The following RSPH14 variants were observed in gnomAD, a reference collection of about 807,000 sequenced individuals.
RSPH14 encodes rhabdoid tumor deletion region gene 1.
Under a neutral mutation model 26.7 loss-of-function variants are expected in RSPH14, and 20 were observed. The observed-to-expected ratio is 0.75, with a 90% CI of 0.53 to 1.09. The LOEUF is 1.09. RSPH14 is among the 50% of genes least tolerant of loss of function. RSPH14 has a pLI of 0.00. For missense variants in RSPH14, 449 were observed against 457.2 expected (o/e 0.98, Z 0.16); for synonymous variants, 177 against 189.3 (o/e 0.93, Z 0.53).
rs2068051162 is a variant in RSPH14, at chr22:23,059,722, C to T, written c.791-4G>A. The T allele has an allele frequency of 1.1e-5, 16 of 1,515,902 alleles. No individual in the cohort carries two copies. The highest frequency in any genetic ancestry group is 1.4e-5 in the Non-Finnish European group (16 of 1,135,096). 93.9% of individuals were successfully genotyped at this position (1,515,902 alleles called of 1,614,324 possible). A position where few individuals can be genotyped will look rare whatever the true frequency, so the allele number is the denominator to read the frequency against. On this transcript the variant is annotated splice_polypyrimidine_tract_variant and splice_region_variant and intron_variant, in intron 6 of 6. Coordinates refer to ENST00000216036, the MANE Select transcript of RSPH14 (RefSeq NM_014433.3). ...GCCTCCAGGGCCGCATACTTCCCTG[C>T]AGGCCACCAACACAAGGCGTTCCAA...
At chr22:23,076,472 A>AG (rs1460459448) in intron 4 of RSPH14, among the ~76,000 whole-genome samples, 1 of 152,078 alleles carries the variant, frequency 6.6e-6, no homozygotes, top group African/African-American at 2.4e-5. Flanking sequence ...TGCTCCTAAG[A>AG]GGTTGTACCT....
At chr22:23,136,911 T>C (rs1182487642) in intron 3 of RSPH14, among the ~76,000 whole-genome samples, 1 of 138,646 alleles carries the variant, frequency 7.2e-6, no homozygotes, top group African/African-American at 2.6e-5. Context: ...TTAGGATTGT[T>C]GCCCAGATCA....
chr22:23,060,787 C>G (rs981422163), intron 6 of RSPH14, among the ~76,000 whole-genome samples: 1 of 152,178 alleles, frequency 6.6e-6, no homozygotes, highest in Admixed American at 6.5e-5. Context: ...ATCACTGCCT[C>G]CCAGGGCCTG....
At chr22:23,134,177 G>A (rs753025161) in intron 3 of RSPH14, 33 bp from the exon 4 acceptor site, 11 of 1,519,016 alleles carry the variant, frequency 7.2e-6, no homozygotes, top group Non-Finnish European at 8.2e-6. Flanking sequence ...TGACATAAGT[G>A]AGACCATGCC....
At chr22:23,173,622 G>GTTTTTTTTTTTTTTTTTT in the RSPH14 span, among the ~76,000 whole-genome samples, 2 of 112,284 alleles carry the variant, frequency 1.8e-5, no homozygotes, top group African/African-American at 3.5e-5. Flanking sequence ...TTTATTTTTG[G>GTTTTTTTTTTTTTTTTTT]TTTTTTGTTT....
intron 4 of RSPH14, among the ~76,000 whole-genome samples, chr22:23,073,764 A>T (rs1353015028): frequency 6.6e-6 from 1 of 152,190 alleles, no homozygotes; most frequent in Admixed American, 6.5e-5. Context: ...GCTAACATTT[A>T]CCAGCGCCTG....
chr22:23,123,144 A>G (rs1257765665), intron 4 of RSPH14: 2 of 1,613,994 alleles, frequency 1.2e-6, no homozygotes, highest in Admixed American at 1.7e-5. Context: ...CAACTGGTTC[A>G]TCAACACCTC....
chr22:23,141,957 G>T lies in RSPH14; in HGVS notation c.-61C>A, dbSNP rs1225178524. The T allele has an allele frequency of 1.0e-6, 1 of 985,556 alleles. No homozygotes were observed. Among genetic ancestry groups the T allele is most frequent in the Non-Finnish European group, 1.2e-6 (1 of 830,012 alleles). The allele number at this position is 985,556 out of a possible 1,614,324, so 61.1% of individuals were successfully genotyped here. ...CACCACCGCCGCCTCACCTGCCTCC[G>T]CAGCCCTTTCTGCTTCCAGTAGCCC... On this transcript the variant is annotated 5_prime_UTR_variant, in exon 1 of 7. Coordinates refer to ENST00000216036, the MANE Select transcript of RSPH14 (RefSeq NM_014433.3).
intron 6 of RSPH14, among the ~76,000 whole-genome samples, chr22:23,060,369 G>A (rs1331495230): frequency 5.9e-5 from 9 of 152,012 alleles, no homozygotes; most frequent in African/African-American, 2.2e-4. Context: ...TACTCAGGAG[G>A]CTGAGGCAGG....
chr22:23,164,884 C>G, the RSPH14 span, among the ~76,000 whole-genome samples: 21,549 of 151,402 alleles, frequency 0.14, 2,068 homozygotes, highest in Non-Finnish European at 0.2. Context: ...TTTCGAGGCT[C>G]CTCACCACCC....
At chr22:23,062,748 G>C (rs1283140695) in intron 5 of RSPH14, among the ~76,000 whole-genome samples, 2 of 152,248 alleles carry the variant, frequency 1.3e-5, no homozygotes, top group African/African-American at 4.8e-5. Flanking sequence ...CATGATCAAA[G>C]TTGCAGAGTC....
At chr22:23,130,270 A>G (rs2070319368) in intron 4 of RSPH14, among the ~76,000 whole-genome samples, 1 of 151,132 alleles carries the variant, frequency 6.6e-6, no homozygotes, top group Non-Finnish European at 1.5e-5. Flanking sequence ...CCTGGCTAAC[A>G]CGGTGAAACC....
chr22:23,133,945 C>T (rs1260015918), intron 4 of RSPH14, 81 bp downstream of exon 4: 1 of 924,138 alleles, frequency 1.1e-6, no homozygotes, highest in Non-Finnish European at 1.8e-6. Context: ...CGATCTACAC[C>T]CTGGTACATA....
At chr22:23,145,473 T>G (rs377176753), upstream of RSPH14, 1 of 1,609,556 alleles carries the variant, frequency 6.2e-7, no homozygotes, top group Non-Finnish European at 8.5e-7. Context: ...CCCGCGTGGC[T>G]CTCGTTGCCA....
chr22:23,167,943 A>G, the RSPH14 span, among the ~76,000 whole-genome samples: 18 of 151,934 alleles, frequency 1.2e-4, no homozygotes, highest in South Asian at 6.2e-4. Flanking sequence ...ACTTTCCATC[A>G]TCAAGCAATC....
chr22:23,067,904 GGACT>G (rs747429716), intron 4 of RSPH14, among the ~76,000 whole-genome samples: 2 of 152,138 alleles, frequency 1.3e-5, no homozygotes, highest in African/African-American at 4.8e-5. Flanking sequence ...CACTTCCTCT[GGACT>G]GACTAACTGA....
chr22:23,130,153 AAGAAAG>A (rs1360618027), intron 4 of RSPH14, among the ~76,000 whole-genome samples: 21 of 125,100 alleles, frequency 1.7e-4, no homozygotes, highest in African/African-American at 6.3e-4. Context: ...GAAAGAAAGA[AAGAAAG>A]AAAAAGAAAA....
intron 3 of RSPH14, among the ~76,000 whole-genome samples, chr22:23,135,353 G>A (rs1019271048): frequency 1.3e-5 from 2 of 150,054 alleles, no homozygotes; most frequent in Admixed American, 6.6e-5. Flanking sequence ...TTAGCTGGGT[G>A]TGGTGGCGGG....
chr22:23,156,145 G>A, the RSPH14 span: 44 of 882,836 alleles, frequency 5.0e-5, no homozygotes, highest in Admixed American at 6.6e-4. Context: ...TGTCCTCCAA[G>A]ACCCACTGAG....
Sources: allele counts gnomAD v4.1 joint callset (sites outside exome capture counted in the v4.1 genomes callset), GRCh38; gene constraint gnomAD v4.1.1; transcripts MANE v1.5; gene names NCBI Gene and HGNC (gene_info 2026-07-23, HGNC 2026-07-21).